Variants in INF2 observed in about 807,000 individuals in gnomAD.
INF2 encodes the protein inverted formin 2, also known as inverted formin-2.
A neutral mutation model predicts 123.5 loss-of-function variants in INF2; 43 were observed. That is an observed-to-expected ratio of 0.35 (90% CI 0.27 to 0.45). The LOEUF (loss-of-function observed/expected upper bound fraction) is 0.45, where lower values mean the gene tolerates loss of function less well. INF2 is among the 20% of genes least tolerant of loss of function. The pLI is 1.00. For synonymous variants in INF2, 851 were observed against 745.0 expected (o/e 1.14, Z -2.32); for missense variants, 1,453 against 1,682.7 (o/e 0.86, Z 2.39).
chr14:104,695,365 C>T (rs139578461), intron 1 of INF2, among the ~76,000 whole-genome samples: 11 of 152,250 alleles, frequency 7.2e-5, no homozygotes, highest in Admixed American at 2.0e-4. Context: ...CCCCTGAGAA[C>T]GCCAGAGGTG....
chr14:104,706,235 T>C, intron 6 of INF2, 59 bp downstream of exon 6: 1 of 1,488,414 alleles, frequency 6.7e-7, no homozygotes, highest in South Asian at 1.3e-5. Flanking sequence ...GGCCCTGAGG[T>C]CCAGAGGCTG....
Position 104,714,369 on chromosome 14 carries a change from A to G in INF2, c.3207A>G (p.Pro1069=), listed in dbSNP as rs1128840. The change falls in exon 21 of 23, where the codon CCA becomes CCG. Residue 1069 remains proline, a synonymous_variant. Transcript: ENST00000392634. Reference sequence around the variant, plus strand: ...TGGAGCAGTTGGAGGAGGGTGGTCCACGGCCCCTGGAGAGGCGTTCTTCCT... The same window carrying G: ...TGGAGCAGTTGGAGGAGGGTGGTCCGCGGCCCCTGGAGAGGCGTTCTTCCT... ...PTLEQLEEGG[P]RPLERRSSWY... is the part of the protein sequence containing the mutation. 0.29 allele frequency: 455,989 copies of G among 1,595,514 alleles called. 67,668 individuals carry two copies. The highest frequency in any genetic ancestry group is 0.31 in the African/African-American group (22,961 of 74,580).
At position 104,695,023 on chromosome 14, in the gene INF2, T is replaced by G. The variant is rs527941874; in HGVS notation, c.-10+5284T>G. On this transcript the variant is annotated intron_variant, in intron 1 of 22. Coordinates refer to ENST00000392634, the MANE Select transcript of INF2 (RefSeq NM_022489.4). ...GAGGACAGAGGAGGGACCTGGGGCC[T>G]CGGAGGAGGCATCTCTGAGTATGTC... Among the ~76,000 whole-genome samples the G allele has an allele frequency of 2.6e-5, 4 of 152,232 alleles. No individual in the cohort carries two copies. The South Asian group carries it at 8.3e-4, about 32-fold the overall frequency.
rs778576384 is a variant in INF2 at position 104,713,465 on chromosome 14, CAGG to C, written c.2906_2908del (p.Glu969del). The C allele has an allele frequency of 2.5e-6, 4 of 1,611,246 alleles. No individual in the cohort carries two copies. The highest frequency in any genetic ancestry group is 3.4e-6 in the Non-Finnish European group (4 of 1,179,308). On this transcript the variant is annotated inframe_deletion, in exon 20 of 23. Transcript: ENST00000392634. ...CTCAGTCAGGAAGGGGCCCGGGAAG[CAGG>C]AGGAGGTGTGTGTCATCGATGCCCT...
At chr14:104,683,657 G>A (rs1012184642) in intron 1 of INF2, among the ~76,000 whole-genome samples, 22 of 134,108 alleles carry the variant, frequency 1.6e-4, no homozygotes, top group Admixed American at 1.5e-3. Context: ...AATTACCTCC[G>A]GAGACTTTGG....
rs111274945 is a variant in INF2, at chr14:104,697,894, G to C, written c.-9-3463G>C. ...TTGGTGCTGGTGGACTGCCGGGGGGGGTGGATGGGACGCCCCTTCTTGGTG... is the reference window on the plus strand; with the variant it reads ...TTGGTGCTGGTGGACTGCCGGGGGGCGTGGATGGGACGCCCCTTCTTGGTG... On this transcript the variant is annotated intron_variant, in intron 1 of 22. Transcript: ENST00000392634. 9.0e-3 allele frequency among the ~76,000 whole-genome samples: 1,375 copies of C among 152,324 alleles called. 18 individuals carry two copies. The highest frequency in any genetic ancestry group is 0.029 in the African/African-American group (1,215 of 41,550).
At chr14:104,718,771 T>C in intron 22 of INF2, 24 bp from the exon 23 acceptor site, 1 of 1,612,502 alleles carries the variant, frequency 6.2e-7, no homozygotes, top group Non-Finnish European at 8.5e-7. Flanking sequence ...CTCCTAATAA[T>C]GTCATTTTTT....
At chr14:104,706,233 G>A (rs1889775144) in intron 6 of INF2, 57 bp downstream of exon 6, 2 of 1,504,578 alleles carry the variant, frequency 1.3e-6, no homozygotes, top group East Asian at 5.0e-5. Context: ...GTGGCCCTGA[G>A]GTCCAGAGGC....
At position 104,699,902 on chromosome 14, in the gene INF2, A is replaced by G. The variant is rs1305048817; in HGVS notation, c.-9-1455A>G. The stretch of plus-strand genomic sequence containing the variant: ...TACACCTGTCAGGCTGCCTCCTGGA[A>G]GGAGCCCACTGGCCCCCTGGGGCAG... On this transcript the variant is annotated intron_variant, in intron 1 of 22. Coordinates refer to ENST00000392634, the MANE Select transcript of INF2 (RefSeq NM_022489.4). This position sits in a 1 kb window ranked among gnomAD's most constrained non-coding sequence, Gnocchi z 4.7. Among the ~76,000 whole-genome samples the G allele has an allele frequency of 6.6e-6, 1 of 152,134 alleles. No homozygotes were observed. Among genetic ancestry groups the G allele is most frequent in the Admixed American group, 6.5e-5 (1 of 15,282 alleles).
intron 15 of INF2, 115 bp from the exon 16 acceptor site, chr14:104,711,514 T>C (rs1890047612): frequency 3.3e-6 from 3 of 904,938 alleles, no homozygotes; most frequent in Non-Finnish European, 3.6e-6. Flanking sequence ...TCTGGAGTAC[T>C]GGGGGTTTTC....
At chr14:104,702,178 C>G (rs187193978) in intron 2 of INF2, among the ~76,000 whole-genome samples, 1 of 152,252 alleles carries the variant, frequency 6.6e-6, no homozygotes, top group East Asian at 1.9e-4. Flanking sequence ...CAGCCTCAGC[C>G]CAGACAGAGC....
At position 104,682,065 on chromosome 14, in the gene INF2, T is replaced by C. The variant is rs1010069084; in HGVS notation, c.-104+483T>C. Among the ~76,000 whole-genome samples, 3 of 152,222 alleles carry C rather than the reference T, an allele frequency of 2.0e-5. No homozygotes were observed. In the East Asian group the frequency reaches 5.8e-4, roughly 29 times the overall value. Reference sequence around the variant, plus strand: ...AGAGCCAGCAGCCTGTGCGGCGGCATGGGAAAGACCCCAGTGCCTGGCGAG... The same window carrying C: ...AGAGCCAGCAGCCTGTGCGGCGGCACGGGAAAGACCCCAGTGCCTGGCGAG... On this transcript the variant is annotated intron_variant, in intron 1 of 2. Transcript: ENST00000674723.
chr14:104,714,090 C>T, intron 20 of INF2, 113 bp from the exon 21 acceptor site: 2 of 935,788 alleles, frequency 2.1e-6, no homozygotes, highest in Admixed American at 2.9e-5. Flanking sequence ...AGGAGGCTTT[C>T]TGGGGAGGAG....
chr14:104,694,872 G>C (rs1889114078), intron 1 of INF2, among the ~76,000 whole-genome samples: 1 of 152,170 alleles, frequency 6.6e-6, no homozygotes, highest in South Asian at 2.1e-4. Context: ...GGCACAGGCA[G>C]GGTGGGGGCT....
intron 1 of INF2, among the ~76,000 whole-genome samples, chr14:104,695,976 G>A (rs1889173149): frequency 6.6e-6 from 1 of 152,164 alleles, no homozygotes; most frequent in African/African-American, 2.4e-5. Context: ...CATTTTGCTT[G>A]CTTTCTTCCT....
In INF2 at chr14:104,699,484, GTC is replaced by G; in HGVS notation, c.-9-1869_-9-1868del. On this transcript the variant is annotated intron_variant, in intron 1 of 22. Coordinates refer to ENST00000392634, the MANE Select transcript of INF2 (RefSeq NM_022489.4). This position sits in a 1 kb window ranked among gnomAD's most constrained non-coding sequence, Gnocchi z 4.7. ...GAGGCTGCCTGGGAGGGACCCGGCTGTCTCTGGCAGCTCAGCGGTCAGCAGCG... is the reference window on the plus strand; with the variant it reads ...GAGGCTGCCTGGGAGGGACCCGGCTGTCTGGCAGCTCAGCGGTCAGCAGCG... 1.0e-6 allele frequency: 1 copy of G among 985,368 alleles called. No individual in the cohort carries two copies. Among genetic ancestry groups the G allele is most frequent in the Non-Finnish European group, 1.2e-6 (1 of 829,918 alleles). The allele number at this position is 985,368 out of a possible 1,614,324, so 61.0% of individuals were successfully genotyped here.
At chr14:104,688,114 T>C (rs963343076), upstream of INF2, among the ~76,000 whole-genome samples, 2 of 152,226 alleles carry the variant, frequency 1.3e-5, no homozygotes, top group African/African-American at 4.8e-5. Flanking sequence ...AGGCCGGCCT[T>C]CCAGGTGCAT....
chr14:104,684,339 A>G lies in INF2; in HGVS notation c.-104+2757A>G. On this transcript the variant is annotated intron_variant, in intron 1 of 2. Coordinates refer to the INF2 transcript ENST00000674723. This position sits in a 1 kb window ranked among gnomAD's most constrained non-coding sequence, Gnocchi z 5.0. ...TCAGTGAGGTGCCCGAAGGAGGCCC[A>G]CCAGCTCTGCCAGCACCCGGCCTCT... 3.1e-6 allele frequency: 1 copy of G among 321,460 alleles called. No homozygotes were observed. The highest frequency in any genetic ancestry group is 2.5e-5 in the South Asian group (1 of 39,544). The allele number at this position is 321,460 out of a possible 1,614,324, so 19.9% of individuals were successfully genotyped here. A position where few individuals can be genotyped will look rare whatever the true frequency, so the allele number is the denominator to read the frequency against.
chr14:104,681,633 G>A (rs1307493121), intron 1 of INF2: 4 of 1,277,832 alleles, frequency 3.1e-6, no homozygotes, highest in Admixed American at 2.3e-5. Context: ...AGAAAGCAGA[G>A]CAGACACGGG....
Sources: allele counts gnomAD v4.1 joint callset (sites outside exome capture counted in the v4.1 genomes callset), GRCh38; gene constraint gnomAD v4.1.1; non-coding constraint Gnocchi (gnomAD v3.1); transcripts MANE v1.5; gene names NCBI Gene and HGNC (gene_info 2026-07-23, HGNC 2026-07-21).